AFF2: variants seen among roughly 807,000 people sequenced by gnomAD.
AFF2 encodes the protein AF4/FMR2 family member 2.
A neutral mutation model predicts 76.9 loss-of-function variants in AFF2; 14 were observed. The ratio of observed to expected loss-of-function variants is 0.18; its 90% CI spans 0.12 to 0.28. The LOEUF is 0.28. Among genes scored for constraint, AFF2 ranks in the 10% least tolerant of loss-of-function variants. The pLI, the probability that AFF2 is intolerant of heterozygous loss-of-function variation, is 1.00. For missense variants in AFF2, 868 were observed against 1,001.1 expected (o/e 0.87, Z 1.79); for synonymous variants, 398 against 366.7 (o/e 1.09, Z -0.98).
chrX:148,648,560 T>TC (rs2054169063), intron 1 of AFF2, among the ~76,000 whole-genome samples: 1 of 32,007 alleles, frequency 3.1e-5, no homozygotes, highest in East Asian at 7.4e-4. Flanking sequence ...GAAAACTCCG[T>TC]CAAAAAAAAA....
chrX:148,774,433 A>G (rs1471755790), intron 3 of AFF2, among the ~76,000 whole-genome samples: 2 of 111,221 alleles, frequency 1.8e-5, no homozygotes, highest in African/African-American at 6.5e-5. Flanking sequence ...CACCCTATAG[A>G]TTCATACTGG....
intron 2 of AFF2, among the ~76,000 whole-genome samples, chrX:148,660,741 A>G (rs782728556): frequency 9.8e-5 from 11 of 112,235 alleles, no homozygotes; most frequent in African/African-American, 3.2e-4. Flanking sequence ...GTAGCCTTCT[A>G]TCATTGCAAC....
intron 1 of AFF2, among the ~76,000 whole-genome samples, chrX:148,618,409 G>A (rs1316599754): frequency 9.0e-6 from 1 of 110,991 alleles, no homozygotes; most frequent in Admixed American, 9.6e-5. Flanking sequence ...GACCAAAGGG[G>A]GAAAAGCTTC....
At position 148,995,009 on chromosome X, in the gene AFF2, G is replaced by C. The variant is rs1557292828; in HGVS notation, c.*3677G>C. 8.9e-6 allele frequency: 1 copy of C among 111,893 alleles called. No homozygotes were observed. Among genetic ancestry groups the C allele is most frequent in the African/African-American group, 3.3e-5 (1 of 30,669 alleles). 9.2% of individuals were successfully genotyped at this position (111,893 alleles called of 1,213,427 possible). A position where few individuals can be genotyped will look rare whatever the true frequency, so the allele number is the denominator to read the frequency against. On this transcript the variant is annotated 3_prime_UTR_variant, in exon 21 of 21. Coordinates refer to ENST00000370460, the MANE Select transcript of AFF2 (RefSeq NM_002025.4). ...CCCCATTGAGAAAAATGTGTGGCAA[G>C]ATGATACAGCTACACAGTATCAAAT...
At chrX:148,843,253 T>G in intron 6 of AFF2, 129 bp from the exon 7 acceptor site, 1 of 562,425 alleles carries the variant, frequency 1.8e-6, no homozygotes, top group South Asian at 3.9e-5. Context: ...CCCCCTTTTT[T>G]TTTTTTAATC....
rs782351176 is a variant in AFF2, at chrX:148,915,439, TG to T, written c.1397+11182del. ...CTCATTCCTTTTCCAATTTGTTTAC[TG>T]TCTTCTGCACCTCTCAGCACCATAC... is the stretch of plus-strand genomic sequence containing the variant. On this transcript the variant is annotated intron_variant, in intron 9 of 20. Transcript: ENST00000370460. Among the ~76,000 whole-genome samples the T allele has an allele frequency of 2.7e-5, 3 of 112,467 alleles. No homozygotes were observed. In the East Asian group the frequency reaches 8.4e-4, roughly 31 times the overall value.
chrX:148,777,071 A>C (rs782592012), intron 3 of AFF2, among the ~76,000 whole-genome samples: 1 of 112,226 alleles, frequency 8.9e-6, no homozygotes, highest in Non-Finnish European at 1.9e-5. Context: ...AGTTTTCTGC[A>C]TATGGCTAGC....
At chrX:148,545,719 A>G (rs2052913095) in intron 1 of AFF2, among the ~76,000 whole-genome samples, 1 of 109,665 alleles carries the variant, frequency 9.1e-6, no homozygotes, top group Admixed American at 9.8e-5. Flanking sequence ...GCTCCACATC[A>G]GAGTTACCTG....
chrX:148,742,306 T>G (rs1557265740), intron 3 of AFF2, among the ~76,000 whole-genome samples: 2 of 112,526 alleles, frequency 1.8e-5, no homozygotes, highest in Non-Finnish European at 3.8e-5. Context: ...TGAACATATT[T>G]CTGCGAAGAA....
At chrX:148,705,724 A>G (rs781965377) in intron 3 of AFF2, among the ~76,000 whole-genome samples, 1 of 112,251 alleles carries the variant, frequency 8.9e-6, no homozygotes, top group African/African-American at 3.2e-5. Context: ...CATCAAGGCC[A>G]GTATTGGCTG....
At chrX:148,767,199 A>C (rs782205004) in intron 3 of AFF2, among the ~76,000 whole-genome samples, 4 of 110,930 alleles carry the variant, frequency 3.6e-5, no homozygotes, top group Non-Finnish European at 7.5e-5. Flanking sequence ...TAAACATCCA[A>C]ATAAAAATAA....
intron 1 of AFF2, among the ~76,000 whole-genome samples, chrX:148,651,172 C>G (rs150578180): frequency 1.3e-3 from 146 of 111,972 alleles, no homozygotes; most frequent in African/African-American, 4.0e-3. Flanking sequence ...TCCATAAAAC[C>G]AGAAGGCCTG....
chrX:148,554,394 G>A (rs1294640559), intron 1 of AFF2, among the ~76,000 whole-genome samples: 1 of 111,279 alleles, frequency 9.0e-6, no homozygotes, highest in African/African-American at 3.3e-5. Flanking sequence ...ACATGAGAAA[G>A]GCCATGGTGC....
At chrX:148,542,126 G>T (rs2052864346) in intron 1 of AFF2, among the ~76,000 whole-genome samples, 1 of 109,692 alleles carries the variant, frequency 9.1e-6, no homozygotes, top group African/African-American at 3.3e-5. Flanking sequence ...TAGCTAATCA[G>T]GGATTTGCAT....
intron 3 of AFF2, among the ~76,000 whole-genome samples, chrX:148,712,446 A>G (rs2054978636): frequency 1.8e-5 from 2 of 111,999 alleles, no homozygotes; most frequent in South Asian, 7.5e-4. Context: ...CACTTTTCCT[A>G]GGGAAAAGAA....
At chrX:148,599,694 A>G (rs1175888385) in intron 1 of AFF2, among the ~76,000 whole-genome samples, 2 of 111,664 alleles carry the variant, frequency 1.8e-5, no homozygotes, top group African/African-American at 6.5e-5. Flanking sequence ...CTTAAGTAGC[A>G]TAGGTACGAA....
intron 1 of AFF2, among the ~76,000 whole-genome samples, chrX:148,526,640 G>A (rs1442604442): frequency 1.8e-5 from 2 of 110,773 alleles, no homozygotes; most frequent in Admixed American, 9.7e-5. Flanking sequence ...CTTTACTACC[G>A]GAGTGCCATT....
chrX:148,596,698 A>C (rs1009210198), intron 1 of AFF2, among the ~76,000 whole-genome samples: 2 of 112,289 alleles, frequency 1.8e-5, no homozygotes, highest in Non-Finnish European at 3.8e-5. Context: ...GAAAGCAAAG[A>C]GCTCTGTGCA....
intron 8 of AFF2, among the ~76,000 whole-genome samples, chrX:148,888,086 T>C (rs1393708938): frequency 8.9e-6 from 1 of 112,135 alleles, no homozygotes; most frequent in African/African-American, 3.2e-5. Flanking sequence ...TTCAATTCTG[T>C]GACACTTAAT....
Sources: allele counts gnomAD v4.1 joint callset (sites outside exome capture counted in the v4.1 genomes callset), GRCh38; gene constraint gnomAD v4.1.1; transcripts MANE v1.5; gene names NCBI Gene and HGNC (gene_info 2026-07-23, HGNC 2026-07-21).